Variants in NLRC5 observed in about 807,000 individuals in gnomAD.
NLRC5 encodes the protein NLR family CARD domain containing 5.
NLRC5 carries 114 observed loss-of-function variants against 206.9 expected under a neutral mutation model. The observed-to-expected ratio is 0.55, with a 90% CI of 0.47 to 0.64. NLRC5 has a LOEUF of 0.64. Among genes scored for constraint, NLRC5 ranks in the 30% least tolerant of loss-of-function variants. The probability of loss-of-function intolerance (pLI) is 0.00; values close to 1 mark genes in which losing one functional copy is unlikely to be tolerated. For missense variants in NLRC5, 2,008 were observed against 2,305.5 expected (o/e 0.87, Z 2.64); for synonymous variants, 952 against 962.8 (o/e 0.99, Z 0.21).
At chr16:57,006,233 A>G (rs2058885194) in intron 1 of NLRC5, among the ~76,000 whole-genome samples, 1 of 151,864 alleles carries the variant, frequency 6.6e-6, no homozygotes, top group Non-Finnish European at 1.5e-5. Flanking sequence ...TCCTGACCTC[A>G]AGTGATCTGC....
chr16:57,031,302 T>G, intron 10 of NLRC5, 102 bp from the exon 11 acceptor site: 1 of 1,266,350 alleles, frequency 7.9e-7, no homozygotes, highest in Non-Finnish European at 1.1e-6. Context: ...ATCAGCTTTA[T>G]CTGGATGTTT....
chr16:57,002,986 G>A (rs1266545306), intron 1 of NLRC5, among the ~76,000 whole-genome samples: 1 of 151,922 alleles, frequency 6.6e-6, no homozygotes, highest in African/African-American at 2.4e-5. Flanking sequence ...TCCTGTAGTG[G>A]CTGTACTAAT....
intron 32 of NLRC5, among the ~76,000 whole-genome samples, chr16:57,063,932 G>A (rs369403470): frequency 4.0e-5 from 6 of 150,250 alleles, no homozygotes; most frequent in African/African-American, 1.5e-4. Context: ...TAGAGACGGG[G>A]TTTCACCATG....
chr16:57,031,093 T>C (rs769778914), intron 10 of NLRC5, among the ~76,000 whole-genome samples: 10 of 151,562 alleles, frequency 6.6e-5, no homozygotes, highest in Non-Finnish European at 1.2e-4. Context: ...GAGTGAGATC[T>C]CCATCTCAAA....
At chr16:57,013,029 A>G in intron 1 of NLRC5, 1 of 174,382 alleles carries the variant, frequency 5.7e-6, no homozygotes. Flanking sequence ...TATACTACAA[A>G]GTGATACAAT....
Position 57,079,226 on chromosome 16 carries a change from C to G in NLRC5, c.5171C>G (p.Ala1724Gly). 6.2e-7 allele frequency: 1 copy of G among 1,613,954 alleles called. No homozygotes were observed. The highest frequency in any genetic ancestry group is 1.6e-4 in the Middle Eastern group (1 of 6,062). Reference protein sequence around the residue: ...GSPHLEEISLAENNLAGGVLR... With the variant: ...GSPHLEEISLGENNLAGGVLR... Reference sequence around the variant, plus strand: ...GTATCTCCCCTACCCTGCAGCTTGGCGGAAAACAACCTGGCTGGAGGGGTC... The same window carrying G: ...GTATCTCCCCTACCCTGCAGCTTGGGGGAAAACAACCTGGCTGGAGGGGTC... The change falls in exon 45 of 49, where the codon GCG becomes GGG. Residue 1724 changes from alanine to glycine, a missense_variant. Ala to Gly is a moderately conservative substitution (Grantham distance 60). Transcript: ENST00000688547.
chr16:57,077,737 C>A lies in NLRC5; in HGVS notation c.4938C>A (p.Ile1646=). ...CCCACAGCCTCTCAGGGAATAGCAT[C>A]AGCTCAGCCGGGGGAGTGCAGTTGG... ...LRKIDLSGNS[I]SSAGGVQLAE... is the part of the protein sequence containing the mutation. The change falls in exon 42 of 49, where the codon ATC becomes ATA. Residue 1646 remains isoleucine, a synonymous_variant. Coordinates refer to ENST00000688547, the MANE Select transcript of NLRC5 (RefSeq NM_001384950.1). The A allele has an allele frequency of 6.3e-7, 1 of 1,595,994 alleles. No homozygotes were observed. The highest frequency in any genetic ancestry group is 8.5e-7 in the Non-Finnish European group (1 of 1,169,940).
chr16:57,054,351 T>A (rs143198977), intron 24 of NLRC5, among the ~76,000 whole-genome samples: 1 of 152,300 alleles, frequency 6.6e-6, no homozygotes, highest in East Asian at 1.9e-4. Flanking sequence ...CCACTCTCTG[T>A]GAGCAAGGAC....
At chr16:57,065,417 C>G in intron 33 of NLRC5, 119 bp downstream of exon 33, 1 of 615,210 alleles carries the variant, frequency 1.6e-6, no homozygotes, top group Admixed American at 4.0e-5. Flanking sequence ...TTTTCCATGT[C>G]CCCAGGGTAG....
chr16:57,041,270 C>G, intron 17 of NLRC5: 1 of 538,878 alleles, frequency 1.9e-6, no homozygotes, highest in African/African-American at 1.9e-5. Flanking sequence ...TTCCTTCCAT[C>G]TGTGTCTCTG....
Position 57,077,321 on chromosome 16 carries a change from G to A in NLRC5, c.4861G>A (p.Ala1621Thr), listed in dbSNP as rs769297994. The A allele has an allele frequency of 1.1e-5, 17 of 1,613,974 alleles. No homozygotes were observed. In the East Asian group the frequency reaches 2.5e-4, roughly 23 times the overall value. The change falls in exon 41 of 49, where the codon GCT (alanine) becomes ACT (threonine). Residue 1621 changes from alanine (A) to threonine (T), a missense_variant. By Grantham distance (58) the Ala-to-Thr change is moderately conservative. Transcript: ENST00000688547. ...CTTGAGCCACAACCAGATTGGAGACGCTGGTGTCCAGCACTTAGCTACCAT... is the reference window on the plus strand; with the variant it reads ...CTTGAGCCACAACCAGATTGGAGACACTGGTGTCCAGCACTTAGCTACCAT... ...LDLSHNQIGD[A>T]GVQHLATILP...
intron 13 of NLRC5, 89 bp downstream of exon 13, chr16:57,034,340 G>A: frequency 1.1e-6 from 1 of 905,364 alleles, no homozygotes; most frequent in Non-Finnish European, 1.8e-6. Flanking sequence ...GGTGGTGTGG[G>A]GGAGGGGCAT....
At chr16:57,030,647 G>C (rs1304579394) in intron 10 of NLRC5, among the ~76,000 whole-genome samples, 2 of 151,804 alleles carry the variant, frequency 1.3e-5, no homozygotes, top group African/African-American at 4.8e-5. Flanking sequence ...TGGATGGATG[G>C]ATGGATGGAT....
intron 43 of NLRC5, 26 bp from the exon 44 acceptor site, chr16:57,079,024 C>A: frequency 6.2e-7 from 1 of 1,606,340 alleles, no homozygotes. Context: ...CCCTCAGGCT[C>A]CTCTCACCCT....
At chr16:57,066,650 T>C in intron 34 of NLRC5, 36 bp downstream of exon 34, 1 of 1,576,750 alleles carries the variant, frequency 6.3e-7, no homozygotes, top group Non-Finnish European at 8.7e-7. Flanking sequence ...AGGCAGGGGC[T>C]GGTGTTGGGG....
At chr16:57,081,434 T>C (rs1003812376) in intron 47 of NLRC5, 93 bp from the exon 48 acceptor site, 12 of 1,222,502 alleles carry the variant, frequency 9.8e-6, no homozygotes, top group Non-Finnish European at 1.4e-5. Context: ...CTGTGTCCCC[T>C]GACCTTGGCC....
rs778645018 is a variant in NLRC5 at position 57,030,072 on chromosome 16, T to G, written c.2405T>G (p.Met802Arg). The G allele has an allele frequency of 6.2e-7, 1 of 1,614,044 alleles. No individual in the cohort carries two copies. The highest frequency in any genetic ancestry group is 2.2e-5 in the East Asian group (1 of 44,874). ...RVAVTCPTVR[M>R]LQAREADLIF... Reference sequence around the variant, plus strand: ...GCAGTCACGTGTCCTACCGTCAGGATGCTTCAGGCCAGGTGAGCAGAAGGA... The same window carrying G: ...GCAGTCACGTGTCCTACCGTCAGGAGGCTTCAGGCCAGGTGAGCAGAAGGA... Residue 802 changes from methionine (M) to arginine (R), a missense_variant, in exon 10 of 49, where the codon ATG (methionine) becomes AGG (arginine). By Grantham distance (91) the Met-to-Arg change is moderately conservative (BLOSUM62 -1). Coordinates refer to ENST00000688547, the MANE Select transcript of NLRC5 (RefSeq NM_001384950.1).
At chr16:57,081,676 G>A (rs768227019) in intron 48 of NLRC5, 66 bp downstream of exon 48, 191 of 1,408,800 alleles carry the variant, frequency 1.4e-4, no homozygotes, top group Non-Finnish European at 1.7e-4. Flanking sequence ...GATCTAATGG[G>A]ACTCCCTGGA....
chr16:57,059,089 C>G, intron 29 of NLRC5, 28 bp downstream of exon 29: 2 of 1,613,406 alleles, frequency 1.2e-6, no homozygotes, highest in Non-Finnish European at 1.7e-6. Flanking sequence ...CCCGAAAAGC[C>G]CCTTTCTGCT....
Sources: allele counts gnomAD v4.1 joint callset (sites outside exome capture counted in the v4.1 genomes callset), GRCh38; gene constraint gnomAD v4.1.1; transcripts MANE v1.5; gene names NCBI Gene and HGNC (gene_info 2026-07-23, HGNC 2026-07-21).